The following ZFHX3 variants were observed in gnomAD, a reference collection of about 807,000 sequenced individuals.
ZFHX3 encodes zinc finger homeobox 3, also known as zinc finger homeobox protein 3.
ZFHX3 carries 42 observed loss-of-function variants against 279.1 expected under a neutral mutation model. The ratio of observed to expected loss-of-function variants is 0.15; its 90% confidence interval spans 0.12 to 0.19. ZFHX3 has a LOEUF of 0.19. Ranked by LOEUF, ZFHX3 falls within the 10% of genes least tolerant of loss-of-function variation. ZFHX3 has a pLI of 1.00. For synonymous variants in ZFHX3, 2,293 were observed against 1,957.8 expected, an observed-to-expected ratio of 1.17 and a Z score of -4.52; for missense variants, 4,981 against 4,754.0, an observed-to-expected ratio of 1.05 and a Z score of -1.40.
rs893437245 is a variant in ZFHX3 at position 72,829,510 on chromosome 16, C to A, written c.3529+269G>T. On this transcript the variant is annotated intron_variant, in intron 5 of 9. Coordinates refer to ENST00000268489, the MANE Select transcript of ZFHX3 (RefSeq NM_006885.4). ...GCCCTTGCACACAGCTTGGCACTTACCTGGATACTCAATAAGCAAGCTGGC... is the reference window on the plus strand; with the variant it reads ...GCCCTTGCACACAGCTTGGCACTTAACTGGATACTCAATAAGCAAGCTGGC... The A allele has an allele frequency of 4.7e-5, 21 of 444,334 alleles. No individual in the cohort carries two copies. In the South Asian group the frequency reaches 7.3e-4, roughly 15 times the overall value. The allele number at this position is 444,334 out of a possible 1,614,324, so 27.5% of individuals were successfully genotyped here. A position where few individuals can be genotyped will look rare whatever the true frequency, so the allele number is the denominator to read the frequency against.
intron 4 of ZFHX3, among the ~76,000 whole-genome samples, chr16:73,285,326 G>A (rs1035503242): frequency 5.3e-5 from 8 of 152,328 alleles, no homozygotes; most frequent in Non-Finnish European, 1.0e-4. Flanking sequence ...GGGTAATTGT[G>A]TGAGTCAGAA....
intron 4 of ZFHX3, among the ~76,000 whole-genome samples, chr16:72,840,101 G>C (rs535493674): frequency 2.0e-5 from 3 of 151,538 alleles, no homozygotes; most frequent in East Asian, 3.9e-4. Flanking sequence ...TGGCTTGTCA[G>C]AGAGAGATCT....
chr16:73,691,581 T>A (rs569955236), intron 1 of ZFHX3, among the ~76,000 whole-genome samples: 2 of 152,322 alleles, frequency 1.3e-5, no homozygotes, highest in African/African-American at 2.4e-5. Context: ...TATCAAATAT[T>A]GTACCCGATA....
At chr16:73,370,578 A>G (rs2016610554) in intron 3 of ZFHX3, among the ~76,000 whole-genome samples, 1 of 152,142 alleles carries the variant, frequency 6.6e-6, no homozygotes, top group Non-Finnish European at 1.5e-5. Context: ...ACCCCATAAC[A>G]CGATGCAAGC....
chr16:73,718,926 A>G (rs2053445634), intron 1 of ZFHX3, among the ~76,000 whole-genome samples: 1 of 152,128 alleles, frequency 6.6e-6, no homozygotes, highest in South Asian at 2.1e-4. Flanking sequence ...AATCATGTTT[A>G]AAAACAAAAA....
At chr16:73,253,386 A>G (rs2013567159) in intron 5 of ZFHX3, among the ~76,000 whole-genome samples, 1 of 152,068 alleles carries the variant, frequency 6.6e-6, no homozygotes, top group Admixed American at 6.5e-5. Context: ...AACCCTGAGG[A>G]CCACCTGATC....
rs2035520110 is a variant in ZFHX3 at position 72,788,053 on chromosome 16, G to C, written c.10223C>G (p.Pro3408Arg). Reference sequence around the variant, plus strand: ...TTTGGCAGGGTCTTTGTCTGGGGAAGGAGCCCCGGGGGGGACTGGGGTTTG... The same window carrying C: ...TTTGGCAGGGTCTTTGTCTGGGGAACGAGCCCCGGGGGGGACTGGGGTTTG... ...ASQTPVPPGA[P>R]SPDKDPAKES... Residue 3408 changes from proline (P) to arginine (R), a missense_variant, in exon 10 of 10, where the codon CCT (proline) becomes CGT (arginine). Pro to Arg is a moderately radical substitution (Grantham distance 103). Transcript: ENST00000268489. The C allele has an allele frequency of 6.2e-7, 1 of 1,611,974 alleles. No homozygotes were observed. The highest frequency in any genetic ancestry group is 1.3e-5 in the African/African-American group (1 of 74,892).
intron 2 of ZFHX3, among the ~76,000 whole-genome samples, chr16:73,544,511 G>T (rs1321517352): frequency 2.0e-5 from 3 of 152,140 alleles, no homozygotes; most frequent in African/African-American, 7.2e-5. Context: ...TCCCTCCACG[G>T]GTTTGGCCGC....
intron 3 of ZFHX3, among the ~76,000 whole-genome samples, chr16:73,338,855 G>A (rs963305): frequency 1.3e-3 from 197 of 152,256 alleles, no homozygotes; most frequent in African/African-American, 4.5e-3. Flanking sequence ...AGCACCATCC[G>A]CTTGGTGCTG....
At chr16:73,388,046 G>C (rs1192101716) in intron 3 of ZFHX3, among the ~76,000 whole-genome samples, 1 of 152,114 alleles carries the variant, frequency 6.6e-6, no homozygotes. Flanking sequence ...GAGCTGGGAG[G>C]AGGGGGAGAG....
intron 2 of ZFHX3, among the ~76,000 whole-genome samples, chr16:73,580,340 C>T (rs1476275265): frequency 2.6e-5 from 4 of 151,706 alleles, no homozygotes; most frequent in East Asian, 1.9e-4. Context: ...TAGCTGGGTG[C>T]GGCGGCGCAC....
rs753625323 is a variant in ZFHX3, at chr16:72,794,090, T to G, written c.8592A>C (p.Glu2864Asp). ...DNDSATGIAT[E>D]TKSSSAPNEG... The stretch of plus-strand genomic sequence containing the variant: ...CGTTGGGTGCAGAAGAGGATTTGGT[T>G]TCAGTTGCTATTCCCGTTGCACTGT... Residue 2864 changes from glutamate to aspartate, a missense_variant, in exon 9 of 10, where the codon GAA becomes GAC. Physicochemically the swap from Glu to Asp is conservative, Grantham distance 45. Transcript: ENST00000268489. The surrounding 1 kb of genome is among the most constrained non-coding windows in gnomAD (Gnocchi z 4.2). The G allele has an allele frequency of 6.2e-7, 1 of 1,614,228 alleles. No individual in the cohort carries two copies. The highest frequency in any genetic ancestry group is 1.7e-5 in the Admixed American group (1 of 60,028).
At chr16:73,763,763 G>A (rs915452489) in intron 1 of ZFHX3, among the ~76,000 whole-genome samples, 50 of 152,248 alleles carry the variant, frequency 3.3e-4, no homozygotes, top group African/African-American at 1.2e-3. Flanking sequence ...ATTATCATAG[G>A]TGGGCCTGAC....
At chr16:73,847,330 G>A (rs1169078652) in intron 1 of ZFHX3, among the ~76,000 whole-genome samples, 1 of 152,124 alleles carries the variant, frequency 6.6e-6, no homozygotes, top group Admixed American at 6.6e-5. Flanking sequence ...GGATGACACT[G>A]CTTCCTGTCC....
At chr16:73,510,475 A>C (rs1348934121) in intron 2 of ZFHX3, among the ~76,000 whole-genome samples, 1 of 152,210 alleles carries the variant, frequency 6.6e-6, no homozygotes, top group Non-Finnish European at 1.5e-5. Flanking sequence ...CAATCAAATC[A>C]CATATCCTAA....
intron 1 of ZFHX3, among the ~76,000 whole-genome samples, chr16:73,839,326 CAAAAAAAAAAAAAAAAAAAAAA>C (rs777484716): frequency 0.029 from 869 of 30,048 alleles, 17 homozygotes; most frequent in Middle Eastern, 0.068. Context: ...GACTCCATCT[CAAAAAAAAAAAAAAAAAAAAAA>C]AAAAAAAAAA....
At chr16:73,710,202 TAAG>T (rs1230309328) in intron 1 of ZFHX3, among the ~76,000 whole-genome samples, 1 of 151,934 alleles carries the variant, frequency 6.6e-6, no homozygotes, top group Non-Finnish European at 1.5e-5. Context: ...ACAAAACAAT[TAAG>T]AAATAAAAAT....
chr16:72,950,375 A>C, intron 3 of ZFHX3, 94 bp downstream of exon 3: 2 of 1,536,060 alleles, frequency 1.3e-6, no homozygotes, highest in East Asian at 4.5e-5. Context: ...CATGCCAGAG[A>C]CTGTCCGACT....
At chr16:73,650,086 T>A (rs1207123504) in intron 2 of ZFHX3, among the ~76,000 whole-genome samples, 1 of 151,880 alleles carries the variant, frequency 6.6e-6, no homozygotes, top group Non-Finnish European at 1.5e-5. Flanking sequence ...AAAGTTGGAG[T>A]CAAGAACTTA....
Sources: gnomAD v4.1 joint callset for allele counts (sites outside exome capture counted in the v4.1 genomes callset) on GRCh38, gnomAD v4.1.1 for gene constraint, Gnocchi (gnomAD v3.1) non-coding constraint, MANE v1.5 for transcripts, NCBI Gene and HGNC (gene_info 2026-07-23, HGNC 2026-07-21) for gene names.